Variants in A1BG observed in about 807,000 individuals in gnomAD.
A1BG encodes alpha-1-B glycoprotein.
A neutral mutation model predicts 46.0 loss-of-function variants in A1BG; 44 were observed. That is an observed-to-expected ratio of 0.96 (90% confidence interval 0.75 to 1.23). The LOEUF (loss-of-function observed/expected upper bound fraction) is 1.23, where lower values mean the gene tolerates loss of function less well. A1BG is among the 50% of genes most tolerant of loss of function. The pLI is 0.00. For missense variants in A1BG, 707 were observed against 688.8 expected, an observed-to-expected ratio of 1.03 and a Z score of -0.30; for synonymous variants, 316 against 314.7, an observed-to-expected ratio of 1.00 and a Z score of -0.04.
At chr19:58,351,713 C>T (rs1409626983) in intron 4 of A1BG, 26 bp from the exon 5 acceptor site, 3 of 1,548,384 alleles carry the variant, frequency 1.9e-6, no homozygotes, top group Non-Finnish European at 1.7e-6. Context: ...CATTACTAGG[C>T]TGCCCCATCC....
At chr19:58,348,883 C>T (rs1234503106) in intron 6 of A1BG, 4 of 152,420 alleles carry the variant, frequency 2.6e-5, no homozygotes, top group African/African-American at 7.2e-5. Flanking sequence ...GAGAGTAGGA[C>T]ATCATACTAA....
intron 6 of A1BG, 163 bp downstream of exon 6, chr19:58,350,207 G>A: frequency 1.1e-6 from 1 of 934,290 alleles, no homozygotes; most frequent in Non-Finnish European, 1.5e-6. Flanking sequence ...GGCGTCCCCA[G>A]ACCCTCGACC....
chr19:58,350,432 A>T lies in A1BG; in HGVS notation c.1130T>A (p.Val377Glu). The change falls in exon 6 of 8, where the codon GTG becomes GAG. Residue 377 changes from valine to glutamate, a missense_variant. Transcript: ENST00000263100. ...GCCCCCGAAAGGCGGCTTCAGGTCC[A>T]CGTAGACGCAGCTGTAGTTGGCGGA... ...ADSANYSCVY[V>E]DLKPPFGGSA... The T allele has an allele frequency of 6.4e-7, 1 of 1,551,682 alleles. No homozygotes were observed.
chr19:58,352,970 C>G lies in A1BG; in HGVS notation c.298G>C (p.Gly100Arg). 1 of 1,613,926 alleles carries G rather than the reference C, an allele frequency of 6.2e-7. No individual in the cohort carries two copies. The highest frequency in any genetic ancestry group is 8.5e-7 in the Non-Finnish European group (1 of 1,180,020). The change falls in exon 3 of 8, where the codon GGA becomes CGA. Residue 100 changes from glycine (G) to arginine (R), a missense_variant. Gly to Arg is a moderately radical substitution (Grantham distance 125). Coordinates refer to ENST00000263100, the MANE Select transcript of A1BG (RefSeq NM_130786.4). ...RYRCRSGLST[G>R]WTQLSKLLEL... Reference sequence around the variant, plus strand: ...AGGAGCTTGCTCAGCTGGGTCCATCCTGTGGACAAGCCCGAGCGGCAGCGG... The same window carrying G: ...AGGAGCTTGCTCAGCTGGGTCCATCGTGTGGACAAGCCCGAGCGGCAGCGG...
At chr19:58,351,224 G>T in intron 5 of A1BG, 167 bp downstream of exon 5, 1 of 856,116 alleles carries the variant, frequency 1.2e-6, no homozygotes, top group Non-Finnish European at 1.8e-6. Context: ...AGGTTGTCAC[G>T]CTCATCATCA....
chr19:58,352,558 G>A lies in A1BG; in HGVS notation c.341-3C>T, dbSNP rs1305614466. On this transcript the variant is annotated splice_polypyrimidine_tract_variant and splice_region_variant and intron_variant, in intron 3 of 7. Transcript: ENST00000263100. ...GAGCCAGGGAGCAGGCAAGGACTCTGTGGGTGGGGTGGAGTTGAAGAGTGC... is the reference window on the plus strand; with the variant it reads ...GAGCCAGGGAGCAGGCAAGGACTCTATGGGTGGGGTGGAGTTGAAGAGTGC... 2.5e-6 allele frequency: 4 copies of A among 1,605,312 alleles called. No homozygotes were observed. The Admixed American group carries it at 6.7e-5, about 27-fold the overall frequency.
rs1297374848 is a variant in A1BG at position 58,350,371 on chromosome 19, G to A, written c.1191C>T (p.Asp397=). 2 of 1,539,646 alleles carry A rather than the reference G, an allele frequency of 1.3e-6. No homozygotes were observed. The highest frequency in any genetic ancestry group is 1.2e-5 in the South Asian group (1 of 83,488). Residue 397 remains aspartate (D), a splice_region_variant and synonymous_variant, in exon 6 of 8, where the codon GAC becomes GAT. Transcript: ENST00000263100. ...APSERLELHV[D]GPPPRPQLRA... is the part of the protein sequence containing the mutation. The stretch of plus-strand genomic sequence containing the variant: ...CTCGCTGGTGCCCCGCCAGCTCACC[G>A]TCCACGTGCAGCTCCAAGCGCTCGC...
chr19:58,353,360 C>T (rs1302558103), intron 1 of A1BG, 33 bp from the exon 2 acceptor site: 2 of 1,608,114 alleles, frequency 1.2e-6, no homozygotes, highest in South Asian at 1.1e-5. Context: ...GCTCCTGTTC[C>T]CGCCCCCTCC....
chr19:58,352,750 GC>G, intron 3 of A1BG, 177 bp downstream of exon 3: 1 of 1,162,820 alleles, frequency 8.6e-7, no homozygotes, highest in Non-Finnish European at 1.2e-6. Context: ...TGTACGGCAT[GC>G]CGGGCCTGCT....
At chr19:58,347,742 G>A in intron 6 of A1BG, 102 bp from the exon 7 acceptor site, 2 of 704,390 alleles carry the variant, frequency 2.8e-6, no homozygotes, top group Non-Finnish European at 3.9e-6. Context: ...CTGCGCCTCA[G>A]CCCCGGCTTC....
Position 58,353,090 on chromosome 19 carries a change from G to A in A1BG, c.178C>T (p.Leu60=), listed in dbSNP as rs766178364. The change falls in exon 3 of 8, where the codon CTG becomes TTG. Residue 60 remains leucine, a synonymous_variant. Coordinates refer to ENST00000263100, the MANE Select transcript of A1BG (RefSeq NM_130786.4). ...TCCTGGGCCACCCCATTCTTGAACA[G>A]CTGGAAGTCTGGAGTCTCCAGGTGG... ...QAHLETPDFQ[L]FKNGVAQEPV... 1.9e-6 allele frequency: 3 copies of A among 1,614,206 alleles called. No homozygotes were observed. The highest frequency in any genetic ancestry group is 1.7e-5 in the Admixed American group (1 of 60,034).
intron 6 of A1BG, 37 bp from the exon 7 acceptor site, chr19:58,347,677 C>CCCCAGGCCACGCCCCAGCCCGCG: frequency 1.5e-6 from 1 of 671,754 alleles, no homozygotes; most frequent in Non-Finnish European, 2.2e-6. Flanking sequence ...CCAGGCCACG[C>CCCCAGGCCACGCCCCAGCCCGCG]CCCAGGCCAC....
intron 6 of A1BG, among the ~76,000 whole-genome samples, chr19:58,349,290 A>G (rs1217500303): frequency 4.6e-5 from 7 of 151,914 alleles, no homozygotes; most frequent in African/African-American, 1.7e-4. Context: ...TGCTGTGATT[A>G]CAGGCGTGAG....
intron 6 of A1BG, chr19:58,349,165 T>A (rs926016325): frequency 1.3e-5 from 2 of 152,138 alleles, no homozygotes; most frequent in African/African-American, 2.4e-5. Flanking sequence ...ATTACAGGCA[T>A]GTGCCACCAC....
intron 6 of A1BG, chr19:58,350,169 C>T (rs887479331): frequency 1.0e-4 from 67 of 668,762 alleles, no homozygotes; most frequent in Non-Finnish European, 1.4e-4. Flanking sequence ...TACGGGCTTG[C>T]GTCCGTGGGA....
intron 6 of A1BG, 46 bp downstream of exon 6, chr19:58,350,324 G>A: frequency 6.7e-7 from 1 of 1,500,346 alleles, no homozygotes; most frequent in Non-Finnish European, 8.9e-7. Flanking sequence ...AGGCCCCGAG[G>A]GGCACTGAAC....
At chr19:58,353,375 C>T in intron 1 of A1BG, 29 bp downstream of exon 1, 1 of 1,612,000 alleles carries the variant, frequency 6.2e-7, no homozygotes, top group Non-Finnish European at 8.5e-7. Context: ...CCCTCCCGCC[C>T]CAGGGACCCA....
rs1407123644 is a variant in A1BG, at chr19:58,350,421, G to C, written c.1141C>G (p.Pro381Ala). Residue 381 changes from proline (P) to alanine (A), a missense_variant, in exon 6 of 8, where the codon CCG (proline) becomes GCG (alanine). Coordinates refer to ENST00000263100, the MANE Select transcript of A1BG (RefSeq NM_130786.4). The part of the protein sequence containing the change: ...NYSCVYVDLK[P>A]PFGGSAPSER... ...CTGGGCGCGGAGCCCCCGAAAGGCG[G>C]CTTCAGGTCCACGTAGACGCAGCTG... 9.7e-6 allele frequency: 15 copies of C among 1,550,652 alleles called. No individual in the cohort carries two copies. Among genetic ancestry groups the C allele is most frequent in the Non-Finnish European group, 1.3e-5 (15 of 1,147,048 alleles).
At position 58,352,058 on chromosome 19, in the gene A1BG, T is replaced by C. The variant is rs139743331; in HGVS notation, c.613+225A>G. On this transcript the variant is annotated intron_variant, in intron 4 of 7. Coordinates refer to ENST00000263100, the MANE Select transcript of A1BG (RefSeq NM_130786.4). ...ATCCGCTGGCCTCAGCCTCCCAAAG[T>C]GCTGGGATTATAGGCGTGAGCCACC... 1.1e-3 allele frequency: 1,522 copies of C among 1,406,718 alleles called. 1 individual carries two copies. The highest frequency in any genetic ancestry group is 1.3e-3 in the Non-Finnish European group (1,433 of 1,076,916). 87.1% of individuals were successfully genotyped at this position (1,406,718 alleles called of 1,614,324 possible). A position where few individuals can be genotyped will look rare whatever the true frequency, so the allele number is the denominator to read the frequency against.
Sources: gnomAD v4.1 joint callset for allele counts (sites outside exome capture counted in the v4.1 genomes callset) on GRCh38, gnomAD v4.1.1 for gene constraint, MANE v1.5 for transcripts, NCBI Gene and HGNC (gene_info 2026-07-23, HGNC 2026-07-21) for gene names.